DMD: variants seen among roughly 807,000 people sequenced by gnomAD.
The protein encoded by DMD is dystrophin.
DMD carries 63 observed loss-of-function variants against 330.1 expected under a neutral mutation model. That is an observed-to-expected ratio of 0.19 (90% CI 0.16 to 0.24). The LOEUF (loss-of-function observed/expected upper bound fraction) is 0.24, where lower values mean the gene tolerates loss of function less well. DMD is among the 10% of genes least tolerant of loss of function. The probability of loss-of-function intolerance (pLI) is 1.00; values close to 1 mark genes in which losing one functional copy is unlikely to be tolerated. For missense variants in DMD, 3,344 were observed against 2,684.1 expected, an observed-to-expected ratio of 1.25 and a Z score of -5.43; for synonymous variants, 1,223 against 959.8, an observed-to-expected ratio of 1.27 and a Z score of -5.07.
chrX:33,067,094 A>C (rs2094675016), intron 1 of DMD, among the ~76,000 whole-genome samples: 1 of 112,367 alleles, frequency 8.9e-6, no homozygotes, highest in African/African-American at 3.2e-5. Flanking sequence ...AACACAGTTA[A>C]ATAAGCAATT....
At chrX:32,841,764 G>C (rs2080180232) in intron 4 of DMD, among the ~76,000 whole-genome samples, 1 of 111,783 alleles carries the variant, frequency 8.9e-6, no homozygotes, top group African/African-American at 3.3e-5. Context: ...ACCTAATATA[G>C]TATCATAATG....
At chrX:33,205,688 T>TA (rs2051527212) in intron 1 of DMD, among the ~76,000 whole-genome samples, 1 of 111,719 alleles carries the variant, frequency 9.0e-6, no homozygotes. Flanking sequence ...AAGAAGAGGG[T>TA]AAAAACATTT....
chrX:31,266,692 G>C (rs1343068970), intron 62 of DMD: 77 of 765,356 alleles, frequency 1.0e-4, no homozygotes, highest in Non-Finnish European at 1.2e-4. Flanking sequence ...GCCGCCCGGC[G>C]CCCCGGGTCC....
At chrX:32,906,722 G>A (rs1171557440) in intron 2 of DMD, among the ~76,000 whole-genome samples, 1 of 111,367 alleles carries the variant, frequency 9.0e-6, no homozygotes, top group African/African-American at 3.3e-5. Context: ...TCCAAATGCT[G>A]AAATTAGGAT....
chrX:32,676,986 A>G (rs2062015427), intron 9 of DMD, among the ~76,000 whole-genome samples: 1 of 111,632 alleles, frequency 9.0e-6, no homozygotes, highest in Non-Finnish European at 1.9e-5. Flanking sequence ...TTTTTCATTT[A>G]TTGACATTTA....
chrX:33,305,325 C>A (rs1368465606), intron 1 of DMD, among the ~76,000 whole-genome samples: 4 of 104,613 alleles, frequency 3.8e-5, no homozygotes, highest in Non-Finnish European at 7.8e-5. Context: ...GGACAAAAAA[C>A]CAAACACCGC....
intron 12 of DMD, among the ~76,000 whole-genome samples, chrX:32,601,047 T>A (rs1231332202): frequency 1.8e-5 from 2 of 111,345 alleles, no homozygotes; most frequent in Non-Finnish European, 3.8e-5. Flanking sequence ...GTAGGTAATT[T>A]ATTTTTTTCA....
chrX:31,502,793 C>G (rs1323339936), intron 56 of DMD, among the ~76,000 whole-genome samples: 1 of 111,316 alleles, frequency 9.0e-6, no homozygotes, highest in Non-Finnish European at 1.9e-5. Context: ...GACTTGACCA[C>G]TTCTCAAGTT....
intron 43 of DMD, among the ~76,000 whole-genome samples, chrX:32,247,441 G>A (rs72626026): frequency 0.013 from 1,428 of 111,789 alleles, 23 homozygotes; most frequent in East Asian, 0.099. Context: ...GGTAGTTGCT[G>A]CAGATGTGAA....
intron 50 of DMD, among the ~76,000 whole-genome samples, chrX:31,777,785 C>A (rs971351254): frequency 8.9e-6 from 1 of 112,055 alleles, no homozygotes; most frequent in Non-Finnish European, 1.9e-5. Flanking sequence ...ATGTAAGTCA[C>A]CTCCTAGGAT....
At chrX:32,961,696 G>A (rs2091903914) in intron 2 of DMD, among the ~76,000 whole-genome samples, 1 of 111,316 alleles carries the variant, frequency 9.0e-6, no homozygotes, top group Admixed American at 9.7e-5. Context: ...ATCTCAAGCA[G>A]TTATTATGAG....
At chrX:31,679,703 T>A (rs1479309853) in intron 52 of DMD, 117 bp from the exon 53 acceptor site, 11 of 628,629 alleles carry the variant, frequency 1.7e-5, no homozygotes, top group Non-Finnish European at 2.5e-5. Flanking sequence ...AAATTATTCA[T>A]TGTGTTATGG....
intron 1 of DMD, among the ~76,000 whole-genome samples, chrX:33,030,525 A>G (rs2094090432): frequency 8.9e-6 from 1 of 112,003 alleles, no homozygotes; most frequent in Non-Finnish European, 1.9e-5. Context: ...AGGAGTAAAA[A>G]TAAGTTACTA....
chrX:32,201,010 A>T (rs1204761923), intron 44 of DMD, among the ~76,000 whole-genome samples: 2 of 111,801 alleles, frequency 1.8e-5, no homozygotes, highest in East Asian at 5.6e-4. Flanking sequence ...TGTTGATGTC[A>T]TATTGTTATG....
chrX:32,294,640 G>T (rs1293179596), intron 42 of DMD, among the ~76,000 whole-genome samples: 3 of 111,350 alleles, frequency 2.7e-5, no homozygotes, highest in Non-Finnish European at 5.7e-5. Context: ...AAAAACTGGG[G>T]CAGGGGATGT....
rs1165135991 is a variant in DMD, at chrX:32,205,951, A to C, written c.6438+10965T>G. On this transcript the variant is annotated intron_variant, in intron 44 of 78. Transcript: ENST00000357033. ...CCCCAAAACTATCTTTTTGGTTGTG[A>C]ACTAAAGGCCGACAAAGATGATCAC... The C allele has an allele frequency of 1.5e-5, 6 of 398,940 alleles. No homozygotes were observed. The East Asian group carries it at 2.9e-4, about 19-fold the overall frequency. 32.9% of individuals were successfully genotyped at this position (398,940 alleles called of 1,213,427 possible).
intron 1 of DMD, among the ~76,000 whole-genome samples, chrX:33,306,289 G>T (rs1296079156): frequency 8.9e-6 from 1 of 111,740 alleles, no homozygotes; most frequent in Non-Finnish European, 1.9e-5. Flanking sequence ...CATTCATTTA[G>T]ACAAATTTTT....
chrX:33,296,223 G>A (rs879171315), intron 1 of DMD, among the ~76,000 whole-genome samples: 2 of 110,888 alleles, frequency 1.8e-5, no homozygotes, highest in Admixed American at 1.9e-4. Context: ...GTTATTCCAA[G>A]TTAAAGTAAT....
chrX:31,431,150 A>G (rs189640657), intron 60 of DMD, among the ~76,000 whole-genome samples: 1 of 110,877 alleles, frequency 9.0e-6, no homozygotes, highest in Admixed American at 9.6e-5. Flanking sequence ...TAATCCACCT[A>G]CACTTGATTT....
Sources: gnomAD v4.1 joint callset for allele counts (sites outside exome capture counted in the v4.1 genomes callset) on GRCh38, gnomAD v4.1.1 for gene constraint, MANE v1.5 for transcripts, NCBI Gene and HGNC (gene_info 2026-07-23, HGNC 2026-07-21) for gene names.